RIN2: variants seen among roughly 807,000 people sequenced by gnomAD.
The protein encoded by RIN2 is RAB5 interacting protein 2.
Under a neutral mutation model 78.0 loss-of-function variants are expected in RIN2, and 36 were observed. The ratio of observed to expected loss-of-function variants is 0.46; its 90% CI spans 0.35 to 0.61. RIN2 has a LOEUF of 0.61. Ranked by LOEUF, RIN2 falls within the 20% of genes least tolerant of loss-of-function variation. The pLI is 0.00. For synonymous variants in RIN2, 466 were observed against 466.8 expected (o/e 1.00, Z 0.02); for missense variants, 1,087 against 1,159.7 (o/e 0.94, Z 0.91).
rs184766548 is a variant in RIN2 at position 19,938,331 on chromosome 20, G to A, written c.158+3132G>A. The stretch of plus-strand genomic sequence containing the variant: ...CCTCCTGGGCTCAAGTGATCTTCCC[G>A]CCTCAGCCTCCCAAGTAGTTGGAAG... On this transcript the variant is annotated intron_variant, in intron 4 of 12. Transcript: ENST00000255006. Among the ~76,000 whole-genome samples, 288 of 152,052 alleles carry A rather than the reference G, an allele frequency of 1.9e-3. 1 individual carries two copies. Among genetic ancestry groups the A allele is most frequent in the Middle Eastern group, 3.4e-3 (1 of 294 alleles).
chr20:19,937,358 GCCC>G (rs1021227900), intron 4 of RIN2, among the ~76,000 whole-genome samples: 195 of 152,302 alleles, frequency 1.3e-3, no homozygotes, highest in African/African-American at 4.5e-3. Context: ...CACCGCCCGG[GCCC>G]CTGGCTCTGC....
chr20:19,935,685 T>A (rs1273204050), intron 4 of RIN2: 2 of 911,110 alleles, frequency 2.2e-6, no homozygotes, highest in Non-Finnish European at 2.6e-6. Context: ...TGGATGTGGT[T>A]GTAAATTCGA....
intron 2 of RIN2, among the ~76,000 whole-genome samples, chr20:19,835,544 G>A (rs1406251823): frequency 1.3e-5 from 2 of 152,192 alleles, no homozygotes; most frequent in Admixed American, 6.5e-5. Flanking sequence ...TCATTTACAT[G>A]AGGCAATTAA....
intron 1 of RIN2, among the ~76,000 whole-genome samples, chr20:19,780,817 A>T (rs1317205863): frequency 2.0e-5 from 3 of 152,218 alleles, no homozygotes; most frequent in Admixed American, 2.0e-4. Context: ...GAGAAGATTA[A>T]AGGAGCTATG....
chr20:19,996,649 G>A (rs1408209941), intron 11 of RIN2, 30 bp from the exon 12 acceptor site: 5 of 1,613,336 alleles, frequency 3.1e-6, no homozygotes, highest in Non-Finnish European at 4.2e-6. Flanking sequence ...GGTTGGCACT[G>A]GGAGGACCCA....
chr20:19,844,593 G>GCTGCTGCTGCTTCTT (rs1568806843), intron 2 of RIN2, among the ~76,000 whole-genome samples: 2 of 64,066 alleles, frequency 3.1e-5, no homozygotes, highest in African/African-American at 1.0e-4. Context: ...TGCTGCTGCT[G>GCTGCTGCTGCTTCTT]CTTCTTCCTC....
chr20:19,909,017 G>A (rs1013654777), intron 3 of RIN2, among the ~76,000 whole-genome samples: 4 of 152,088 alleles, frequency 2.6e-5, no homozygotes, highest in African/African-American at 4.8e-5. Context: ...GACGCCCACC[G>A]CCACTCCCAG....
chr20:19,981,866 A>C (rs1175552793), intron 9 of RIN2, among the ~76,000 whole-genome samples: 1 of 152,200 alleles, frequency 6.6e-6, no homozygotes, highest in African/African-American at 2.4e-5. Flanking sequence ...ATCCCTGCAG[A>C]GTGACAGGGT....
chr20:19,810,048 C>T (rs1445428156), intron 2 of RIN2, among the ~76,000 whole-genome samples: 1 of 151,976 alleles, frequency 6.6e-6, no homozygotes, highest in Admixed American at 6.5e-5. Flanking sequence ...TGCAGCCTTT[C>T]CTGAGTGGCC....
At chr20:19,803,925 C>A (rs1022889797) in intron 2 of RIN2, among the ~76,000 whole-genome samples, 7 of 152,082 alleles carry the variant, frequency 4.6e-5, no homozygotes, top group African/African-American at 1.7e-4. Flanking sequence ...CTCTTGTTAG[C>A]TGTATTCCTA....
chr20:19,920,126 C>T (rs959128786), intron 3 of RIN2, among the ~76,000 whole-genome samples: 2 of 151,898 alleles, frequency 1.3e-5, no homozygotes, highest in African/African-American at 4.8e-5. Flanking sequence ...AACCCCGTCT[C>T]TACTAAAAAT....
chr20:19,765,147 G>A (rs766317375), intron 1 of RIN2, among the ~76,000 whole-genome samples: 3 of 151,904 alleles, frequency 2.0e-5, no homozygotes, highest in Non-Finnish European at 2.9e-5. Context: ...ACCGTGCCAG[G>A]CCACTTTCTG....
chr20:19,849,250 A>G (rs115004044), intron 2 of RIN2, among the ~76,000 whole-genome samples: 1,778 of 152,324 alleles, frequency 0.012, 11 homozygotes, highest in Non-Finnish European at 0.014. Context: ...CCATCTGAAT[A>G]TAGACAGACA....
intron 2 of RIN2, among the ~76,000 whole-genome samples, chr20:19,810,683 CTTTTTT>C (rs535994979): frequency 7.0e-5 from 7 of 99,628 alleles, no homozygotes; most frequent in African/African-American, 2.9e-4. Context: ...TTATAAGGTA[CTTTTTT>C]TTTTTTTTTT....
chr20:19,963,324 C>T (rs143482704), intron 6 of RIN2, among the ~76,000 whole-genome samples: 6 of 152,086 alleles, frequency 3.9e-5, no homozygotes, highest in Admixed American at 3.3e-4. Context: ...TACAAAAAAG[C>T]GAAGAAGCAG....
rs1383988754 is a variant in RIN2, at chr20:19,846,361, C to T, written c.-36-43205C>T. Among the ~76,000 whole-genome samples the T allele has an allele frequency of 2.0e-5, 3 of 152,206 alleles. No individual in the cohort carries two copies. The East Asian group carries it at 5.8e-4, about 29-fold the overall frequency. ...GATATTGATTCTTCCTATCCATGAG[C>T]ATGGAATGTTTTTCCATTTGTTTGT... On this transcript the variant is annotated intron_variant, in intron 2 of 12. Transcript: ENST00000255006.
In RIN2 at chr20:20,001,362, CTTTT is replaced by C. The variant is rs57852545; in HGVS notation, c.*449_*452del. On this transcript the variant is annotated 3_prime_UTR_variant, in exon 13 of 13. Coordinates refer to ENST00000255006, the MANE Select transcript of RIN2 (RefSeq NM_018993.4). ...CCCTGCCTTCCTTCCTTTCTTTTTC[CTTTT>C]TTTTTTTTTTTTTTTTTTTTTTACA... 398 of 94,246 alleles carry C rather than the reference CTTTT, an allele frequency of 4.2e-3. 7 individuals carry two copies. Among genetic ancestry groups the C allele is most frequent in the African/African-American group, 9.9e-3 (236 of 23,926 alleles). 5.8% of individuals were successfully genotyped at this position (94,246 alleles called of 1,614,324 possible). A position where few individuals can be genotyped will look rare whatever the true frequency, so the allele number is the denominator to read the frequency against.
chr20:19,913,993 G>A (rs1223189969), intron 3 of RIN2, among the ~76,000 whole-genome samples: 1 of 152,204 alleles, frequency 6.6e-6, no homozygotes, highest in African/African-American at 2.4e-5. Flanking sequence ...ATAGGCATAT[G>A]CACACGTGCG....
intron 1 of RIN2, among the ~76,000 whole-genome samples, chr20:19,772,665 G>A (rs1427345217): frequency 6.6e-6 from 1 of 152,214 alleles, no homozygotes; most frequent in Non-Finnish European, 1.5e-5. Context: ...CCAGACCTCT[G>A]TTCAGGACTT....
Sources: allele counts gnomAD v4.1 joint callset (sites outside exome capture counted in the v4.1 genomes callset), GRCh38; gene constraint gnomAD v4.1.1; transcripts MANE v1.5; gene names NCBI Gene and HGNC (gene_info 2026-07-23, HGNC 2026-07-21).